The following NAALADL2 variants were observed in gnomAD, a reference collection of about 807,000 sequenced individuals.
NAALADL2 encodes inactive N-acetylated-alpha-linked acidic dipeptidase-like protein 2.
A neutral mutation model predicts 87.2 loss-of-function variants in NAALADL2; 76 were observed. That is an observed-to-expected ratio of 0.87 (90% CI 0.72 to 1.05). The LOEUF (loss-of-function observed/expected upper bound fraction) is 1.05, where lower values mean the gene tolerates loss of function less well. Ranked by LOEUF, NAALADL2 falls within the 50% of genes least tolerant of loss-of-function variation. The pLI is 0.00. For missense variants in NAALADL2, 1,089 were observed against 945.8 expected (o/e 1.15, Z -1.99); for synonymous variants, 354 against 331.0 (o/e 1.07, Z -0.75).
intron 1 of NAALADL2, among the ~76,000 whole-genome samples, chr3:174,548,971 G>T (rs1033648498): frequency 2.6e-5 from 4 of 152,118 alleles, no homozygotes; most frequent in Non-Finnish European, 5.9e-5. Context: ...CTCCCGAGTA[G>T]CTGGGATTAC....
chr3:174,449,547 C>G (rs1470260389), intron 1 of NAALADL2, among the ~76,000 whole-genome samples: 5 of 152,010 alleles, frequency 3.3e-5, no homozygotes, highest in African/African-American at 9.7e-5. Context: ...AATCACGATC[C>G]AAGATTTTAG....
chr3:175,588,346 G>C (rs919350589), intron 10 of NAALADL2, among the ~76,000 whole-genome samples: 1 of 151,896 alleles, frequency 6.6e-6, no homozygotes, highest in African/African-American at 2.4e-5. Context: ...GAACCTGTGA[G>C]GTACTCAATA....
intron 11 of NAALADL2, among the ~76,000 whole-genome samples, chr3:175,706,797 T>C: frequency 6.6e-6 from 1 of 152,130 alleles, no homozygotes; most frequent in Non-Finnish European, 1.5e-5. Context: ...GCTTCAATAC[T>C]GGTCTGAGCC....
At chr3:174,442,297 AC>A (rs1413739348) in intron 1 of NAALADL2, among the ~76,000 whole-genome samples, 5 of 152,198 alleles carry the variant, frequency 3.3e-5, no homozygotes, top group Admixed American at 2.0e-4. Context: ...TATTTTAAGT[AC>A]GATTTTCACC....
At chr3:174,653,732 G>A (rs1026595561) in intron 2 of NAALADL2, among the ~76,000 whole-genome samples, 12 of 152,172 alleles carry the variant, frequency 7.9e-5, no homozygotes, top group East Asian at 3.9e-4. Context: ...AACTTGACAA[G>A]TATTTGTGAA....
At chr3:174,572,935 A>G (rs1715101692) in intron 2 of NAALADL2, among the ~76,000 whole-genome samples, 1 of 152,202 alleles carries the variant, frequency 6.6e-6, no homozygotes, top group South Asian at 2.1e-4. Flanking sequence ...AATTTCCCAC[A>G]TAAGAATAAG....
rs577613437 is a variant in NAALADL2, at chr3:174,449,614, C to T, written c.-184+8582C>T. On this transcript the variant is annotated intron_variant, in intron 1 of 3. Coordinates refer to the NAALADL2 transcript ENST00000434257. ...TTGTCAAAGCACAGTGTACATGCAT[C>T]TTAGTTTTAATAGTTTACAAGATAT... is the stretch of plus-strand genomic sequence containing the variant. Among the ~76,000 whole-genome samples the T allele has an allele frequency of 2.3e-3, 352 of 152,168 alleles. 1 individual carries two copies. The highest frequency in any genetic ancestry group is 7.7e-3 in the African/African-American group (319 of 41,510).
At chr3:175,623,193 G>A (rs543246236) in intron 10 of NAALADL2, among the ~76,000 whole-genome samples, 1 of 152,156 alleles carries the variant, frequency 6.6e-6, no homozygotes, top group East Asian at 1.9e-4. Context: ...GATATCTTTT[G>A]ACAATTGTAT....
At chr3:175,230,416 A>T (rs981003540) in intron 2 of NAALADL2, among the ~76,000 whole-genome samples, 1 of 152,086 alleles carries the variant, frequency 6.6e-6, no homozygotes, top group African/African-American at 2.4e-5. Context: ...TGACCTAAAA[A>T]AGATTATTCA....
chr3:174,991,928 G>T (rs4527384), intron 1 of NAALADL2, among the ~76,000 whole-genome samples: 1 of 151,922 alleles, frequency 6.6e-6, no homozygotes, highest in African/African-American at 2.4e-5. Context: ...CAGAGGAGAT[G>T]TGGATCAGTC....
intron 1 of NAALADL2, among the ~76,000 whole-genome samples, chr3:174,485,454 C>T (rs11717958): frequency 6.6e-6 from 1 of 151,778 alleles, no homozygotes; most frequent in Admixed American, 6.6e-5. Context: ...CACCCACCCC[C>T]CTCTCTCTGA....
At chr3:174,758,076 G>A (rs1712375036) in intron 3 of NAALADL2, among the ~76,000 whole-genome samples, 1 of 152,192 alleles carries the variant, frequency 6.6e-6, no homozygotes, top group Non-Finnish European at 1.5e-5. Context: ...GCAGGAAGCA[G>A]AGAACTGCAG....
At chr3:174,759,401 C>G (rs924286196) in intron 3 of NAALADL2, among the ~76,000 whole-genome samples, 1 of 152,176 alleles carries the variant, frequency 6.6e-6, no homozygotes, top group African/African-American at 2.4e-5. Flanking sequence ...TCATTTCCCA[C>G]CTAGATTGAT....
chr3:174,746,666 A>G (rs1360952264), intron 3 of NAALADL2, among the ~76,000 whole-genome samples: 6 of 152,210 alleles, frequency 3.9e-5, no homozygotes, highest in African/African-American at 1.4e-4. Flanking sequence ...GTATCACATT[A>G]CCTGACTTCA....
At chr3:175,316,695 T>C (rs573305576) in intron 4 of NAALADL2, among the ~76,000 whole-genome samples, 61 of 152,330 alleles carry the variant, frequency 4.0e-4, no homozygotes, top group Non-Finnish European at 4.4e-4. Flanking sequence ...TATGTAGCTT[T>C]GTCTTTGAAT....
At chr3:174,597,729 CT>C (rs918091726) in intron 2 of NAALADL2, among the ~76,000 whole-genome samples, 4 of 152,124 alleles carry the variant, frequency 2.6e-5, no homozygotes, top group African/African-American at 9.7e-5. Flanking sequence ...TGGGAGAAGT[CT>C]TTGGGAGCAT....
chr3:174,665,305 T>C (rs1725863243), intron 2 of NAALADL2, among the ~76,000 whole-genome samples: 1 of 152,168 alleles, frequency 6.6e-6, no homozygotes, highest in Admixed American at 6.5e-5. Context: ...TAACACATTG[T>C]ACATGGAATC....
At chr3:175,245,317 A>C (rs1169139828) in intron 3 of NAALADL2, among the ~76,000 whole-genome samples, 1 of 152,140 alleles carries the variant, frequency 6.6e-6, no homozygotes, top group African/African-American at 2.4e-5. Flanking sequence ...GACAATCTAC[A>C]ATTTTTTACT....
intron 3 of NAALADL2, among the ~76,000 whole-genome samples, chr3:174,807,888 T>TGA (rs1553861440): frequency 7.2e-5 from 8 of 111,604 alleles, no homozygotes; most frequent in African/African-American, 1.7e-4. Context: ...TGTGTGTGTG[T>TGA]GAGAGAGAGA....
Sources: gnomAD v4.1 joint callset for allele counts (sites outside exome capture counted in the v4.1 genomes callset) on GRCh38, gnomAD v4.1.1 for gene constraint, MANE v1.5 for transcripts, NCBI Gene and HGNC (gene_info 2026-07-23, HGNC 2026-07-21) for gene names.